DENR: variants seen among roughly 807,000 people sequenced by gnomAD.
The protein encoded by DENR is density-regulated protein.
DENR carries 6 observed loss-of-function variants against 30.6 expected under a neutral mutation model. The observed-to-expected ratio is 0.20, with a 90% CI of 0.11 to 0.39. DENR has a LOEUF of 0.39. Ranked by LOEUF, DENR falls within the 10% of genes least tolerant of loss-of-function variation. DENR has a pLI of 1.00. For synonymous variants in DENR, 78 were observed against 72.1 expected, an observed-to-expected ratio of 1.08 and a Z score of -0.41; for missense variants, 141 against 230.9, an observed-to-expected ratio of 0.61 and a Z score of 2.52.
At chr12:122,756,843 G>T (rs1345244151) in intron 2 of DENR, among the ~76,000 whole-genome samples, 1 of 152,164 alleles carries the variant, frequency 6.6e-6, no homozygotes, top group Non-Finnish European at 1.5e-5. Context: ...GATGAATCTG[G>T]CAGCAAGATA....
At chr12:122,758,422 A>G (rs529601036) in intron 2 of DENR, among the ~76,000 whole-genome samples, 129 of 152,332 alleles carry the variant, frequency 8.5e-4, no homozygotes, top group African/African-American at 2.8e-3. Flanking sequence ...TGCCAAGACC[A>G]CCACAGAAGT....
Position 122,769,093 on chromosome 12 carries a change from C to A in DENR, c.*15C>A. ...TAAAGAAGTGAATTTGAAAATTTGTCTGTATTTAATGGCCTGAACTGAGAG... is the reference window on the plus strand; with the variant it reads ...TAAAGAAGTGAATTTGAAAATTTGTATGTATTTAATGGCCTGAACTGAGAG... On this transcript the variant is annotated 3_prime_UTR_variant, in exon 8 of 8. Transcript: ENST00000280557. 1 of 1,606,124 alleles carries A rather than the reference C, an allele frequency of 6.2e-7. No homozygotes were observed. Among genetic ancestry groups the A allele is most frequent in the Non-Finnish European group, 8.5e-7 (1 of 1,177,374 alleles).
At chr12:122,755,647 A>G (rs573042704) in intron 2 of DENR, among the ~76,000 whole-genome samples, 1 of 152,342 alleles carries the variant, frequency 6.6e-6, no homozygotes, top group South Asian at 2.1e-4. Context: ...TGCTCAGAAT[A>G]TAGATTCCTA....
In DENR at chr12:122,769,211, T is replaced by C. The variant is rs575503153; in HGVS notation, c.*133T>C. On this transcript the variant is annotated 3_prime_UTR_variant, in exon 8 of 8. Transcript: ENST00000280557. Reference sequence around the variant, plus strand: ...ACACATATATGTATGTATACACATATACACATGTATATATACATGTGTGTA... The same window carrying C: ...ACACATATATGTATGTATACACATACACACATGTATATATACATGTGTGTA... 3.3e-5 allele frequency: 28 copies of C among 854,468 alleles called. No homozygotes were observed. The highest frequency in any genetic ancestry group is 1.8e-4 in the Admixed American group (4 of 22,462). 52.9% of individuals were successfully genotyped at this position (854,468 alleles called of 1,614,324 possible). A position where few individuals can be genotyped will look rare whatever the true frequency, so the allele number is the denominator to read the frequency against.
At chr12:122,756,510 A>G (rs1037101352) in intron 2 of DENR, among the ~76,000 whole-genome samples, 27 of 152,138 alleles carry the variant, frequency 1.8e-4, no homozygotes, top group African/African-American at 6.0e-4. Context: ...TCAGTACAGG[A>G]GGGGAGAGAT....
intron 6 of DENR, 28 bp downstream of exon 6, chr12:122,767,632 A>G: frequency 7.7e-7 from 1 of 1,305,382 alleles, no homozygotes. Context: ...TATATTTAAA[A>G]TGTGTGAACT....
chr12:122,760,468 A>G (rs536683808), intron 2 of DENR, among the ~76,000 whole-genome samples: 1 of 151,396 alleles, frequency 6.6e-6, no homozygotes, highest in Non-Finnish European at 1.5e-5. Flanking sequence ...GCGGTGGCTC[A>G]CTCCTGTAAT....
At chr12:122,756,877 T>C (rs1453004120) in intron 2 of DENR, among the ~76,000 whole-genome samples, 1 of 152,208 alleles carries the variant, frequency 6.6e-6, no homozygotes, top group Non-Finnish European at 1.5e-5. Flanking sequence ...GCAGGCTTAT[T>C]GGCCAGGCTA....
intron 4 of DENR, chr12:122,763,244 GAAA>G (rs11384734): frequency 1.3e-5 from 2 of 151,974 alleles, no homozygotes; most frequent in Non-Finnish European, 2.8e-5. Context: ...TACTAAAAAT[GAAA>G]AAAAAAAAAG....
chr12:122,762,318 C>G, intron 3 of DENR, 112 bp downstream of exon 3: 1 of 750,204 alleles, frequency 1.3e-6, no homozygotes, highest in Non-Finnish European at 2.1e-6. Flanking sequence ...GATAGTAAAG[C>G]TTTAACCTTT....
At chr12:122,759,058 T>C (rs1330327780) in intron 2 of DENR, among the ~76,000 whole-genome samples, 1 of 151,968 alleles carries the variant, frequency 6.6e-6, no homozygotes, top group Non-Finnish European at 1.5e-5. Context: ...TTGGCCAGGC[T>C]GGTCTTGAAC....
In DENR at chr12:122,760,886, C is replaced by G. The variant is rs372029589; in HGVS notation, c.107-1301C>G. On this transcript the variant is annotated intron_variant, in intron 2 of 7. Coordinates refer to ENST00000280557, the MANE Select transcript of DENR (RefSeq NM_003677.5). The stretch of plus-strand genomic sequence containing the variant: ...AACCAAGATTCCTTCTAGCTTTACA[C>G]TTTCATGATCTTATGTAGCATAACA... 2.0e-5 allele frequency among the ~76,000 whole-genome samples: 3 copies of G among 152,328 alleles called. No individual in the cohort carries two copies. The South Asian group carries it at 6.2e-4, about 32-fold the overall frequency.
intron 2 of DENR, among the ~76,000 whole-genome samples, chr12:122,760,138 C>T (rs1878656275): frequency 1.3e-5 from 2 of 152,092 alleles, no homozygotes; most frequent in Admixed American, 1.3e-4. Flanking sequence ...TTTGTGTAAC[C>T]TAAGTTAGTG....
chr12:122,766,629 T>C (rs1878857543), intron 5 of DENR, among the ~76,000 whole-genome samples: 1 of 152,180 alleles, frequency 6.6e-6, no homozygotes, highest in South Asian at 2.1e-4. Flanking sequence ...CAAACTGACT[T>C]CTTTTTCTCT....
rs564049632 is a variant in DENR, at chr12:122,762,828, CT to C, written c.127-8del. On this transcript the variant is annotated splice_polypyrimidine_tract_variant and intron_variant, in intron 3 of 7. Coordinates refer to ENST00000280557, the MANE Select transcript of DENR (RefSeq NM_003677.5). Reference sequence around the variant, plus strand: ...GAAAATGTTTTGTTGTGACTCAGTTCTTTTTTTTTCTCCTAGTACTGTGAAT... The same window carrying C: ...GAAAATGTTTTGTTGTGACTCAGTTCTTTTTTTTCTCCTAGTACTGTGAAT... 98 of 1,454,244 alleles carry C rather than the reference CT, an allele frequency of 6.7e-5. No homozygotes were observed. Among genetic ancestry groups the C allele is most frequent in the Admixed American group, 2.1e-4 (9 of 43,682 alleles). 90.1% of individuals were successfully genotyped at this position (1,454,244 alleles called of 1,614,324 possible).
chr12:122,766,337 C>T (rs986235142), intron 5 of DENR, among the ~76,000 whole-genome samples: 2 of 152,214 alleles, frequency 1.3e-5, no homozygotes, highest in African/African-American at 4.8e-5. Flanking sequence ...TCTCCTATCA[C>T]TCCTCCTTAG....
At position 122,769,596 on chromosome 12, in the gene DENR, TC is replaced by T; in HGVS notation, c.*521del. 1.9e-6 allele frequency: 1 copy of T among 520,994 alleles called. No individual in the cohort carries two copies. The highest frequency in any genetic ancestry group is 4.7e-5 in the South Asian group (1 of 21,146). The allele number at this position is 520,994 out of a possible 1,614,324, so 32.3% of individuals were successfully genotyped here. A position where few individuals can be genotyped will look rare whatever the true frequency, so the allele number is the denominator to read the frequency against. On this transcript the variant is annotated 3_prime_UTR_variant, in exon 8 of 8. Transcript: ENST00000280557. ...ATCTCGGCTCACTGCAACCTCCGCCTCCCGGGTTCAAGTGATTCTCCTGCCT... is the reference window on the plus strand; with the variant it reads ...ATCTCGGCTCACTGCAACCTCCGCCTCCGGGTTCAAGTGATTCTCCTGCCT...
chr12:122,762,869 G>C lies in DENR; in HGVS notation c.151G>C (p.Ala51Pro). ...TEYCEYMPDV[A>P]KCRQWLEKNF... ...GTACTGTGAATATATGCCTGATGTT[G>C]CTAAATGTAGACAATGGTTAGAGAA... Residue 51 changes from alanine to proline, a missense_variant, in exon 4 of 8, where the codon GCT becomes CCT. Transcript: ENST00000280557. 1 of 1,547,922 alleles carries C rather than the reference G, an allele frequency of 6.5e-7. No individual in the cohort carries two copies. The highest frequency in any genetic ancestry group is 8.7e-7 in the Non-Finnish European group (1 of 1,145,486).
chr12:122,754,167 C>A, intron 2 of DENR: 1 of 288,930 alleles, frequency 3.5e-6, no homozygotes, highest in Non-Finnish European at 6.9e-6. Flanking sequence ...AACGGCGTCC[C>A]AGACAAAGCG....
Sources: gnomAD v4.1 joint callset for allele counts (sites outside exome capture counted in the v4.1 genomes callset) on GRCh38, gnomAD v4.1.1 for gene constraint, MANE v1.5 for transcripts, NCBI Gene and HGNC (gene_info 2026-07-23, HGNC 2026-07-21) for gene names.